The following CSNK1G3 variants were observed in gnomAD, a reference collection of about 807,000 sequenced individuals.
CSNK1G3 encodes the protein casein kinase 1 gamma 3, also known as casein kinase I isoform gamma-3.
A neutral mutation model predicts 64.3 loss-of-function variants in CSNK1G3; 23 were observed. The observed-to-expected ratio is 0.36, with a 90% CI of 0.26 to 0.51. The LOEUF is 0.51. Among genes scored for constraint, CSNK1G3 ranks in the 20% least tolerant of loss-of-function variants. CSNK1G3 has a pLI of 0.96. For synonymous variants in CSNK1G3, 158 were observed against 162.2 expected (o/e 0.97, Z 0.20); for missense variants, 357 against 510.5 (o/e 0.70, Z 2.90).
chr5:123,606,584 A>G (rs924523005), intron 12 of CSNK1G3, among the ~76,000 whole-genome samples: 31 of 152,288 alleles, frequency 2.0e-4, no homozygotes, highest in African/African-American at 7.5e-4. Context: ...TTTGTCTGGC[A>G]CACGGCAGGT....
At chr5:123,554,077 C>A (rs949029752) in intron 3 of CSNK1G3, among the ~76,000 whole-genome samples, 3 of 152,066 alleles carry the variant, frequency 2.0e-5, no homozygotes, top group Admixed American at 1.3e-4. Flanking sequence ...GGAGAAGAGG[C>A]AAATGGGAGG....
chr5:123,577,549 T>C (rs1455460829), intron 6 of CSNK1G3, among the ~76,000 whole-genome samples: 2 of 134,418 alleles, frequency 1.5e-5, no homozygotes, highest in African/African-American at 5.5e-5. Context: ...TCCATATTTG[T>C]ATCTTTTTTT....
chr5:123,609,497 C>A (rs1323532092), intron 12 of CSNK1G3, among the ~76,000 whole-genome samples: 1 of 152,032 alleles, frequency 6.6e-6, no homozygotes, highest in Non-Finnish European at 1.5e-5. Context: ...GTGTTCAGGA[C>A]TTTGATAGTC....
intron 10 of CSNK1G3, among the ~76,000 whole-genome samples, chr5:123,593,737 T>A (rs1208998657): frequency 6.6e-6 from 1 of 152,104 alleles, no homozygotes; most frequent in Admixed American, 6.6e-5. Context: ...TGTCATAGTT[T>A]TGATGACATA....
intron 4 of CSNK1G3, among the ~76,000 whole-genome samples, chr5:123,561,827 C>A (rs1427243181): frequency 6.6e-6 from 1 of 152,052 alleles, no homozygotes; most frequent in Admixed American, 6.6e-5. Context: ...TTACCTAGTT[C>A]CATTAGTTCC....
At chr5:123,543,676 C>T (rs909020480) in intron 1 of CSNK1G3, among the ~76,000 whole-genome samples, 4 of 152,114 alleles carry the variant, frequency 2.6e-5, no homozygotes, top group Admixed American at 6.6e-5. Context: ...GATGAAGGTG[C>T]GACTCACCTT....
intron 1 of CSNK1G3, among the ~76,000 whole-genome samples, chr5:123,526,368 A>T (rs1346403408): frequency 6.6e-6 from 1 of 152,062 alleles, no homozygotes; most frequent in Non-Finnish European, 1.5e-5. Context: ...ATTTTTTTTT[A>T]AATGGCAGAA....
intron 2 of CSNK1G3, 44 bp downstream of exon 2, chr5:123,545,885 A>G: frequency 7.0e-7 from 1 of 1,418,774 alleles, no homozygotes; most frequent in Non-Finnish European, 9.9e-7. Flanking sequence ...AACATTTTAA[A>G]AATTGGAAGA....
At chr5:123,522,090 A>C (rs1416119462) in intron 1 of CSNK1G3, among the ~76,000 whole-genome samples, 2 of 152,158 alleles carry the variant, frequency 1.3e-5, no homozygotes, top group Admixed American at 1.3e-4. Flanking sequence ...TTTGAGGTGG[A>C]GGTATGAAGA....
chr5:123,579,282 A>G (rs929393175), intron 6 of CSNK1G3, among the ~76,000 whole-genome samples: 2 of 100,196 alleles, frequency 2.0e-5, no homozygotes, highest in African/African-American at 8.1e-5. Flanking sequence ...TGAAAAATGT[A>G]AATTTGCTGT....
In CSNK1G3 at chr5:123,566,932, T is replaced by C. The variant is rs977671839; in HGVS notation, c.290-6461T>C. Reference sequence around the variant, plus strand: ...TTATGTTATCTTTTCTATTCGTATGTATGTTTAATGATTGTATTCGTCCGT... The same window carrying C: ...TTATGTTATCTTTTCTATTCGTATGCATGTTTAATGATTGTATTCGTCCGT... On this transcript the variant is annotated intron_variant, in intron 4 of 12. Transcript: ENST00000345990. Among the ~76,000 whole-genome samples, 3 of 152,234 alleles carry C rather than the reference T, an allele frequency of 2.0e-5. No individual in the cohort carries two copies. In the South Asian group the frequency reaches 6.2e-4, roughly 31 times the overall value.
At chr5:123,520,459 C>A (rs758476263) in intron 1 of CSNK1G3, among the ~76,000 whole-genome samples, 5 of 150,160 alleles carry the variant, frequency 3.3e-5, no homozygotes, top group Admixed American at 6.6e-5. Context: ...TTATTTCTAC[C>A]ATCAGAAAAA....
intron 12 of CSNK1G3, among the ~76,000 whole-genome samples, chr5:123,609,590 T>C (rs1299412130): frequency 6.6e-6 from 1 of 152,170 alleles, no homozygotes; most frequent in Non-Finnish European, 1.5e-5. Flanking sequence ...ATAAAAATTA[T>C]AATACAAAGT....
At chr5:123,539,648 G>A (rs966117131) in intron 1 of CSNK1G3, among the ~76,000 whole-genome samples, 2 of 151,976 alleles carry the variant, frequency 1.3e-5, no homozygotes, top group African/African-American at 2.4e-5. Context: ...TTCTTTGCTC[G>A]AATTGTTTTT....
chr5:123,595,441 C>T lies in CSNK1G3; in HGVS notation c.1086+4027C>T, dbSNP rs149555755. 4.9e-3 allele frequency among the ~76,000 whole-genome samples: 746 copies of T among 152,084 alleles called. 5 individuals are homozygous for T. The highest frequency in any genetic ancestry group is 0.011 in the Admixed American group (162 of 15,262). ...GAAATAGGTATTAAACTTGACTTTC[C>T]AATAATAAGATCAGTCTTTTTAATG... On this transcript the variant is annotated intron_variant, in intron 10 of 12. Coordinates refer to ENST00000345990, the Ensembl canonical transcript of CSNK1G3.
chr5:123,566,493 C>G (rs1404141761), intron 4 of CSNK1G3, among the ~76,000 whole-genome samples: 1 of 152,162 alleles, frequency 6.6e-6, no homozygotes, highest in Non-Finnish European at 1.5e-5. Context: ...ACAAACCTTT[C>G]TGAGCCTGTC....
intron 6 of CSNK1G3, among the ~76,000 whole-genome samples, chr5:123,586,350 T>C (rs1327670606): frequency 6.6e-6 from 1 of 152,158 alleles, no homozygotes; most frequent in Non-Finnish European, 1.5e-5. Flanking sequence ...GGTGTGTTTG[T>C]TGTTAAAACT....
At chr5:123,553,252 GTTTA>G (rs1397695019) in intron 3 of CSNK1G3, 105 bp downstream of exon 3, 5 of 582,600 alleles carry the variant, frequency 8.6e-6, no homozygotes, top group Non-Finnish European at 1.4e-5. Context: ...TAATTTGGAT[GTTTA>G]TTTGACAGTT....
intron 1 of CSNK1G3, among the ~76,000 whole-genome samples, chr5:123,525,825 C>T (rs1464823857): frequency 1.3e-5 from 2 of 151,490 alleles, no homozygotes; most frequent in Non-Finnish European, 2.9e-5. Flanking sequence ...AACCCCGTCT[C>T]TACTAAAAAA....
Sources: gnomAD v4.1 joint callset for allele counts (sites outside exome capture counted in the v4.1 genomes callset) on GRCh38, gnomAD v4.1.1 for gene constraint, MANE v1.5 for transcripts, NCBI Gene and HGNC (gene_info 2026-07-23, HGNC 2026-07-21) for gene names.